KIF7: variants seen among roughly 807,000 people sequenced by gnomAD.
KIF7 encodes kinesin family member 7, also known as kinesin-like protein KIF7.
KIF7 carries 104 observed loss-of-function variants against 135.7 expected under a neutral mutation model. The ratio of observed to expected loss-of-function variants is 0.77; its 90% confidence interval spans 0.65 to 0.90. The LOEUF (loss-of-function observed/expected upper bound fraction) is 0.90. Among genes scored for constraint, KIF7 ranks in the 40% least tolerant of loss-of-function variants. The pLI is 0.00. For missense variants in KIF7, 2,005 were observed against 1,839.1 expected (o/e 1.09, Z -1.65); for synonymous variants, 883 against 809.4 (o/e 1.09, Z -1.54).
At chr15:89,630,601 C>T in intron 15 of KIF7, 108 bp from the exon 16 acceptor site, 1 of 946,680 alleles carries the variant, frequency 1.1e-6, no homozygotes, top group Non-Finnish European at 1.6e-6. Context: ...CTTAAGGGTC[C>T]CCTCGTCCCA....
intron 1 of KIF7, among the ~76,000 whole-genome samples, chr15:89,622,281 C>T (rs1346566735): frequency 7.2e-5 from 11 of 152,040 alleles, no homozygotes; most frequent in East Asian, 3.9e-4. Context: ...CCACTGCGCC[C>T]GGCCTACAAA....
rs147737452 is a variant in KIF7, at chr15:89,618,334, C to T, written c.181-139G>A. ...AGAAATTGTGATGGCTCTGAGTCCA[C>T]AATGCAGCTCAGTAAATATTTATAA... On this transcript the variant is annotated intron_variant and NMD_transcript_variant, in intron 1 of 2. Coordinates refer to the KIF7 transcript ENST00000558928. The T allele has an allele frequency of 3.4e-4, 276 of 817,592 alleles. 1 individual carries two copies. The African/African-American group carries it at 4.0e-3, about 12-fold the overall frequency. The allele number at this position is 817,592 out of a possible 1,614,324, so 50.6% of individuals were successfully genotyped here.
In KIF7 at chr15:89,628,234, T is replaced by C; in HGVS notation, c.*185A>G. On this transcript the variant is annotated 3_prime_UTR_variant, in exon 19 of 19. Coordinates refer to ENST00000394412, the MANE Select transcript of KIF7 (RefSeq NM_198525.3). Reference sequence around the variant, plus strand: ...GTAAGTGGTGGGAATTTGCATATTATTTTGTTAAATGAGGGTCCAGTTCTT... The same window carrying C: ...GTAAGTGGTGGGAATTTGCATATTACTTTGTTAAATGAGGGTCCAGTTCTT... 3.1e-6 allele frequency: 2 copies of C among 637,272 alleles called. No homozygotes were observed. The highest frequency in any genetic ancestry group is 5.3e-6 in the Non-Finnish European group (2 of 379,858). 39.5% of individuals were successfully genotyped at this position (637,272 alleles called of 1,614,324 possible). A position where few individuals can be genotyped will look rare whatever the true frequency, so the allele number is the denominator to read the frequency against.
At chr15:89,634,871 G>A (rs962103095) in intron 11 of KIF7, among the ~76,000 whole-genome samples, 4 of 152,214 alleles carry the variant, frequency 2.6e-5, no homozygotes, top group South Asian at 2.1e-4. Context: ...ACCTCTGGGG[G>A]CAGGGCACAG....
Position 89,648,582 on chromosome 15 carries a change from C to A in KIF7, c.1116G>T (p.Ala372=). Residue 372 remains alanine (A), a synonymous_variant, in exon 5 of 19, where the codon GCG becomes GCT. Transcript: ENST00000394412. ...CGGAGCGGTGCCGTGGCGGACCCCG[C>A]GCGCCGCTCGCCGTCTCTTCGGGTG... The part of the protein sequence containing the change: ...ERPPEETASG[A]RGPPRHRSET... The A allele has an allele frequency of 6.6e-7, 1 of 1,513,766 alleles. No individual in the cohort carries two copies. Among genetic ancestry groups the A allele is most frequent in the Non-Finnish European group, 8.8e-7 (1 of 1,133,596 alleles). The allele number at this position is 1,513,766 out of a possible 1,614,324, so 93.8% of individuals were successfully genotyped here.
upstream of KIF7, among the ~76,000 whole-genome samples, chr15:89,655,983 C>A (rs1291444548): frequency 6.6e-6 from 1 of 152,182 alleles, no homozygotes; most frequent in Non-Finnish European, 1.5e-5. Context: ...GTCTTCACCT[C>A]TGAGACCTCT....
chr15:89,617,991 C>T (rs769115239), intron 2 of KIF7: 1 of 759,364 alleles, frequency 1.3e-6, no homozygotes, highest in South Asian at 1.6e-5. Flanking sequence ...TGTGGCCAGC[C>T]TCCCTCTTGA....
rs373550191 is a variant in KIF7, at chr15:89,631,580, C to A, written c.3026G>T (p.Ser1009Ile). ...SQQQIRGEID[S>I]LRQEKDSLLK... ...CAGCGAGTCCTTCTCCTGGCGCAGG[C>A]TGTCGATCTCCCCGCGGATCTGCTG... The change falls in exon 15 of 19, where the codon AGC becomes ATC. Residue 1009 changes from serine (S) to isoleucine (I), a missense_variant. By Grantham distance (142) the Ser-to-Ile change is moderately radical. Coordinates refer to ENST00000394412, the MANE Select transcript of KIF7 (RefSeq NM_198525.3). The A allele has an allele frequency of 1.3e-6, 2 of 1,567,062 alleles. No homozygotes were observed. The highest frequency in any genetic ancestry group is 2.4e-5 in the East Asian group (1 of 42,274).
Position 89,628,796 on chromosome 15 carries a change from A to G in KIF7, c.3665-10T>C, listed in dbSNP as rs1963596669. 2 of 1,611,700 alleles carry G rather than the reference A, an allele frequency of 1.2e-6. No individual in the cohort carries two copies. The highest frequency in any genetic ancestry group is 4.5e-5 in the East Asian group (2 of 44,816). Reference sequence around the variant, plus strand: ...CTCCTCTTCTCCCCACCTGTCATGGAGAGTAACGTGTCCTCATCAGAAACA... The same window carrying G: ...CTCCTCTTCTCCCCACCTGTCATGGGGAGTAACGTGTCCTCATCAGAAACA... On this transcript the variant is annotated splice_polypyrimidine_tract_variant and intron_variant, in intron 18 of 18. Transcript: ENST00000394412.
Position 89,630,792 on chromosome 15 carries a change from G to C in KIF7, c.3112-299C>G, listed in dbSNP as rs1963657237. 6.1e-6 allele frequency: 3 copies of C among 493,098 alleles called. No individual in the cohort carries two copies. In the East Asian group the frequency reaches 1.2e-4, roughly 19 times the overall value. 30.5% of individuals were successfully genotyped at this position (493,098 alleles called of 1,614,324 possible). ...AAAAGGCATGGTTGGGACAGCCACG[G>C]AGGCACCACGGTGTCTGCTGGGTAA... is the stretch of plus-strand genomic sequence containing the variant. On this transcript the variant is annotated intron_variant, in intron 15 of 18. Coordinates refer to ENST00000394412, the MANE Select transcript of KIF7 (RefSeq NM_198525.3).
At chr15:89,622,007 GA>G (rs1963434917) in intron 1 of KIF7, among the ~76,000 whole-genome samples, 1 of 66,796 alleles carries the variant, frequency 1.5e-5, no homozygotes, top group African/African-American at 5.6e-5. Flanking sequence ...TTTTTTTGGA[GA>G]CAGAGTCTTA....
Position 89,630,503 on chromosome 15 carries a change from C to CAA in KIF7, c.3112-11_3112-10insTT. ...ACAGCGTCCGCTCCTCCTGCAGAGA[C>CAA]GGGCACGCGTGGAGGAACAGCACCC... is the stretch of plus-strand genomic sequence containing the variant. On this transcript the variant is annotated splice_polypyrimidine_tract_variant and intron_variant, in intron 15 of 18. Transcript: ENST00000394412. 6.5e-7 allele frequency: 1 copy of CAA among 1,549,006 alleles called. No homozygotes were observed. The highest frequency in any genetic ancestry group is 8.7e-7 in the Non-Finnish European group (1 of 1,146,620).
chr15:89,640,268 T>C (rs1435522882), intron 11 of KIF7, among the ~76,000 whole-genome samples: 1 of 151,214 alleles, frequency 6.6e-6, no homozygotes, highest in Non-Finnish European at 1.5e-5. Flanking sequence ...ATTGTGCACA[T>C]GTACCCTAAA....
Position 89,631,700 on chromosome 15 carries a change from T to C in KIF7, c.2906A>G (p.Glu969Gly). The C allele has an allele frequency of 6.4e-7, 1 of 1,552,982 alleles. No individual in the cohort carries two copies. Among genetic ancestry groups the C allele is most frequent in the East Asian group, 2.4e-5 (1 of 41,116 alleles). ...CCGGCTGGACACTCGCACGATGTCC[T>C]CGTTGAGGGCCTGGGGGCAGAATCA... is the stretch of plus-strand genomic sequence containing the variant. The part of the protein sequence containing the change: ...KRLRSSQALN[E>G]DIVRVSSRLE... The change falls in exon 15 of 19, where the codon GAG (glutamate) becomes GGG (glycine). Residue 969 changes from glutamate (E) to glycine (G), a missense_variant. By Grantham distance (98) the Glu-to-Gly change is moderately conservative. Transcript: ENST00000394412.
chr15:89,661,650 A>G, the KIF7 span, among the ~76,000 whole-genome samples: 2 of 152,198 alleles, frequency 1.3e-5, no homozygotes, highest in African/African-American at 4.8e-5. Flanking sequence ...CATACTAACA[A>G]GGTATGCAGA....
intron 15 of KIF7, 112 bp downstream of exon 15, chr15:89,631,383 T>C: frequency 1.0e-6 from 1 of 970,302 alleles, no homozygotes; most frequent in Non-Finnish European, 1.5e-6. Flanking sequence ...AAAACTTGGG[T>C]CTGCCGACAG....
At chr15:89,649,694 C>G in intron 3 of KIF7, 47 bp downstream of exon 3, 1 of 1,530,488 alleles carries the variant, frequency 6.5e-7, no homozygotes, top group Non-Finnish European at 8.8e-7. Context: ...ACAGGTGAAG[C>G]CCCCCTAAGC....
At chr15:89,629,652 T>C in intron 16 of KIF7, 79 bp from the exon 17 acceptor site, 3 of 1,573,398 alleles carry the variant, frequency 1.9e-6, no homozygotes, top group South Asian at 1.1e-5. Flanking sequence ...AGACACAGTA[T>C]TGGCACACTT....
chr15:89,624,521 C>T (rs1963480387), downstream of KIF7: 1 of 1,614,002 alleles, frequency 6.2e-7, no homozygotes, highest in African/African-American at 1.3e-5. Flanking sequence ...GATGCCTCCG[C>T]TACTCCTGGG....
Sources: allele counts gnomAD v4.1 joint callset (sites outside exome capture counted in the v4.1 genomes callset), GRCh38; gene constraint gnomAD v4.1.1; transcripts MANE v1.5; gene names NCBI Gene and HGNC (gene_info 2026-07-23, HGNC 2026-07-21).